The following EPG5 variants were observed in gnomAD, a reference collection of about 807,000 sequenced individuals.
EPG5 encodes the protein ectopic P-granules 5 autophagy tethering factor.
In EPG5, 159 loss-of-function variants were observed where a neutral mutation model predicts 302.7. The observed-to-expected ratio is 0.53, with a 90% CI of 0.46 to 0.60. EPG5 has a LOEUF of 0.60. Among genes scored for constraint, EPG5 ranks in the 20% least tolerant of loss-of-function variants. The probability of loss-of-function intolerance (pLI) is 0.00; values close to 1 mark genes in which losing one functional copy is unlikely to be tolerated. For missense variants in EPG5, 2,896 were observed against 3,092.4 expected, an observed-to-expected ratio of 0.94 and a Z score of 1.51; for synonymous variants, 1,158 against 1,136.8, an observed-to-expected ratio of 1.02 and a Z score of -0.37.
the EPG5 span, among the ~76,000 whole-genome samples, chr18:45,827,754 C>T: frequency 2.0e-5 from 3 of 152,292 alleles, no homozygotes; most frequent in South Asian, 2.1e-4. Context: ...AAAGTCACAG[C>T]GTTTCAAGAG....
Position 45,896,107 on chromosome 18 carries a change from A to T in EPG5, c.4809+3297T>A, listed in dbSNP as rs2049465925. On this transcript the variant is annotated intron_variant, in intron 27 of 43. Transcript: ENST00000282041. ...TTATCTTCAAGTCCTAGAAGTATCAACCAGCAAATACCGCCTGGGATAGCC... is the reference window on the plus strand; with the variant it reads ...TTATCTTCAAGTCCTAGAAGTATCATCCAGCAAATACCGCCTGGGATAGCC... Among the ~76,000 whole-genome samples, 3 of 152,252 alleles carry T rather than the reference A, an allele frequency of 2.0e-5. 1 individual carries two copies. The highest frequency in any genetic ancestry group is 2.0e-4 in the Admixed American group (3 of 15,292).
chr18:45,883,721 A>G (rs1041393668), intron 30 of EPG5, among the ~76,000 whole-genome samples: 1 of 148,340 alleles, frequency 6.7e-6, no homozygotes, highest in African/African-American at 2.5e-5. Flanking sequence ...GGCCTCCAAA[A>G]GTGCTGGGAT....
At position 45,954,673 on chromosome 18, in the gene EPG5, G is replaced by A. The variant is rs767311741; in HGVS notation, c.729C>T (p.Tyr243=). The change falls in exon 2 of 44, where the codon TAC becomes TAT. Residue 243 remains tyrosine (Y), a synonymous_variant. Transcript: ENST00000282041. ...GTTCCAGTTGAGACGGGAGTTCTGG[G>A]TAGAGTCGCTCACTGCGAAGCAAGG... ...VKPLLRSERL[Y]PELPSQLELV... is the part of the protein sequence containing the mutation. The A allele has an allele frequency of 1.9e-6, 3 of 1,614,222 alleles. No homozygotes were observed. The highest frequency in any genetic ancestry group is 2.5e-6 in the Non-Finnish European group (3 of 1,180,038).
chr18:45,928,900 C>G lies in EPG5; in HGVS notation c.2522G>C (p.Arg841Thr), dbSNP rs934919689. The change falls in exon 13 of 44, where the codon AGA (arginine) becomes ACA (threonine). Residue 841 changes from arginine (R) to threonine (T), a missense_variant. Physicochemically the swap from Arg to Thr is moderately conservative, Grantham distance 71. Coordinates refer to ENST00000282041, the MANE Select transcript of EPG5 (RefSeq NM_020964.3). The stretch of plus-strand genomic sequence containing the variant: ...AACCTGGTCAATGGTCTCTTGAACT[C>G]TATCCAGAAGGACGGAAATTATCTC... ...HPEIISVLLDRVQETIDQVGM... is the reference protein window; with the variant it reads ...HPEIISVLLDTVQETIDQVGM... The G allele has an allele frequency of 5.0e-6, 8 of 1,613,836 alleles. No individual in the cohort carries two copies. The highest frequency in any genetic ancestry group is 6.8e-6 in the Non-Finnish European group (8 of 1,179,980).
rs1191365538 is a variant in EPG5, at chr18:45,866,987, G to A, written c.6432C>T (p.Leu2144=). 3.1e-6 allele frequency: 5 copies of A among 1,613,956 alleles called. No homozygotes were observed. The highest frequency in any genetic ancestry group is 1.7e-5 in the Admixed American group (1 of 60,008). The change falls in exon 38 of 44, where the codon CTC becomes CTT. Residue 2144 remains leucine (L), a synonymous_variant. Coordinates refer to ENST00000282041, the MANE Select transcript of EPG5 (RefSeq NM_020964.3). ...VDQTDSPLLS[L]LGQTSSLSWH... ...ATGAAAGTGAGCTTGTCTGTCCAAG[G>A]AGACTAAGTAAAGGTGAATCCTAAA...
chr18:45,927,593 T>TACACACACACACAC (rs67488772), intron 13 of EPG5, among the ~76,000 whole-genome samples: 7 of 133,502 alleles, frequency 5.2e-5, no homozygotes, highest in Admixed American at 7.9e-5. Flanking sequence ...CAAAAAGTTA[T>TACACACACACACAC]ACACACACAC....
At chr18:45,860,019 G>A (rs1308804045) in intron 40 of EPG5, 85 bp downstream of exon 40, 4 of 1,525,896 alleles carry the variant, frequency 2.6e-6, no homozygotes, top group Non-Finnish European at 3.6e-6. Flanking sequence ...ACTGGGAAGA[G>A]TCTGGAAACA....
chr18:45,922,777 C>A (rs566001471), intron 15 of EPG5, among the ~76,000 whole-genome samples, 177 bp from the exon 16 acceptor site: 3 of 152,304 alleles, frequency 2.0e-5, no homozygotes, highest in Admixed American at 1.3e-4. Flanking sequence ...TCGCAACTTG[C>A]GCTTACTTGC....
Position 45,912,099 on chromosome 18 carries a change from C to T in EPG5, c.3983+191G>A, listed in dbSNP as rs149478088. Among the ~76,000 whole-genome samples, 763 of 152,216 alleles carry T rather than the reference C, an allele frequency of 5.0e-3. 20 individuals carry two copies. The highest frequency in any genetic ancestry group is 0.037 in the Admixed American group (559 of 15,278). Reference sequence around the variant, plus strand: ...CATGGAAGATGGTAAAGAGAAGCTGCCACAAGACACCAGCAACTCAATAAA... The same window carrying T: ...CATGGAAGATGGTAAAGAGAAGCTGTCACAAGACACCAGCAACTCAATAAA... On this transcript the variant is annotated intron_variant, in intron 22 of 43. Coordinates refer to ENST00000282041, the MANE Select transcript of EPG5 (RefSeq NM_020964.3).
intron 10 of EPG5, among the ~76,000 whole-genome samples, chr18:45,939,334 A>T (rs144750511): frequency 6.6e-6 from 1 of 152,184 alleles, no homozygotes; most frequent in African/African-American, 2.4e-5. Flanking sequence ...AGGCTGCCCC[A>T]AAAGTTCAGG....
At chr18:45,911,878 A>C (rs1166373569) in intron 22 of EPG5, among the ~76,000 whole-genome samples, 1 of 152,202 alleles carries the variant, frequency 6.6e-6, no homozygotes, top group Non-Finnish European at 1.5e-5. Context: ...GAATATTCCC[A>C]AGTACAACCT....
chr18:45,867,954 T>C (rs2048782639), intron 36 of EPG5: 1 of 662,314 alleles, frequency 1.5e-6, no homozygotes, highest in South Asian at 1.5e-5. Context: ...TTAGTTTGTC[T>C]GTTCAGATTT....
chr18:45,944,965 T>C (rs1194190691), intron 7 of EPG5, among the ~76,000 whole-genome samples: 11 of 152,196 alleles, frequency 7.2e-5, no homozygotes, highest in Non-Finnish European at 1.6e-4. Flanking sequence ...GGGGAAATCT[T>C]TGCGGTCTTT....
Position 45,867,576 on chromosome 18 carries a change from A to C in EPG5, c.6398T>G (p.Leu2133Arg). 1 of 1,613,940 alleles carries C rather than the reference A, an allele frequency of 6.2e-7. No homozygotes were observed. Among genetic ancestry groups the C allele is most frequent in the Non-Finnish European group, 8.5e-7 (1 of 1,179,948 alleles). The change falls in exon 37 of 44, where the codon CTG becomes CGG. Residue 2133 changes from leucine to arginine, a missense_variant. Transcript: ENST00000282041. ...MMILLAKEVQ[L>R]VDQTDSPLLS... ...TCCCAAACTTACTGTTTGGTCTACC[A>C]GTTGAACTTCCTTTGCCAATAAAAT...
chr18:45,836,012 T>C, the EPG5 span, among the ~76,000 whole-genome samples: 12 of 152,188 alleles, frequency 7.9e-5, no homozygotes, highest in Non-Finnish European at 1.6e-4. Flanking sequence ...GGCGGTCCTG[T>C]GGGCGGCCGG....
At chr18:45,837,785 G>A in the EPG5 span, 2 of 1,524,080 alleles carry the variant, frequency 1.3e-6, no homozygotes, top group Non-Finnish European at 1.7e-6. Flanking sequence ...CTCGCTGCGC[G>A]TCGAGCGCCT....
chr18:45,895,724 C>T (rs897763736), intron 27 of EPG5, among the ~76,000 whole-genome samples: 6 of 152,162 alleles, frequency 3.9e-5, no homozygotes, highest in African/African-American at 1.4e-4. Context: ...CTGAACATAG[C>T]CATGAGGTGG....
At chr18:45,840,241 GGTAA>G in the EPG5 span, 5 of 1,611,632 alleles carry the variant, frequency 3.1e-6, no homozygotes, top group Non-Finnish European at 4.2e-6. Context: ...ACCCCACCAC[GGTAA>G]GTGAGCTCCC....
intron 16 of EPG5, 26 bp downstream of exon 16, chr18:45,922,315 C>G: frequency 2.5e-6 from 4 of 1,610,802 alleles, no homozygotes. Flanking sequence ...GTTCAGTAAC[C>G]CTAGTGGTTC....
Sources: allele counts gnomAD v4.1 joint callset (sites outside exome capture counted in the v4.1 genomes callset), GRCh38; gene constraint gnomAD v4.1.1; transcripts MANE v1.5; gene names NCBI Gene and HGNC (gene_info 2026-07-23, HGNC 2026-07-21).